FBN3: variants seen among roughly 807,000 people sequenced by gnomAD.
FBN3 encodes fibrillin 3.
A neutral mutation model predicts 330.1 loss-of-function variants in FBN3; 234 were observed. The ratio of observed to expected loss-of-function variants is 0.71; its 90% confidence interval spans 0.64 to 0.79. The LOEUF (loss-of-function observed/expected upper bound fraction) is 0.79. Among genes scored for constraint, FBN3 ranks in the 30% least tolerant of loss-of-function variants. The pLI is 0.00. For missense variants in FBN3, 3,606 were observed against 3,886.9 expected (o/e 0.93, Z 1.92); for synonymous variants, 1,458 against 1,517.3 (o/e 0.96, Z 0.91).
In FBN3 at chr19:8,085,417, A is replaced by G. The variant is rs1424899644; in HGVS notation, c.7033T>C (p.Ser2345Pro). ...RCELCPLPGT[S>P]AYRKLCPHGS... Reference sequence around the variant, plus strand: ...TGGGGGCACAGCTTCCTGTAGGCAGAGGTGCCGGGCAGGGGACAGAGCTCG... The same window carrying G: ...TGGGGGCACAGCTTCCTGTAGGCAGGGGTGCCGGGCAGGGGACAGAGCTCG... The change falls in exon 56 of 64, where the codon TCT becomes CCT. Residue 2345 changes from serine (S) to proline (P), a missense_variant. Physicochemically the swap from Ser to Pro is moderately conservative, Grantham distance 74. Transcript: ENST00000600128. 6 of 1,577,720 alleles carry G rather than the reference A, an allele frequency of 3.8e-6. No individual in the cohort carries two copies. The highest frequency in any genetic ancestry group is 5.2e-6 in the Non-Finnish European group (6 of 1,164,248).
intron 16 of FBN3, among the ~76,000 whole-genome samples, chr19:8,130,548 AAG>A (rs148416096): frequency 0.074 from 5,021 of 68,312 alleles, 475 homozygotes; most frequent in East Asian, 0.32. Context: ...AAGAGAAAGA[AAG>A]AGAGAGAGAG....
At position 8,088,164 on chromosome 19, in the gene FBN3, G is replaced by A; in HGVS notation, c.6392C>T (p.Ser2131Phe). 6.2e-7 allele frequency: 1 copy of A among 1,604,538 alleles called. No homozygotes were observed. The highest frequency in any genetic ancestry group is 8.5e-7 in the Non-Finnish European group (1 of 1,173,978). ...GINCVDTDECSVGHPCGQGTC... is the reference protein window; with the variant it reads ...GINCVDTDECFVGHPCGQGTC... ...CCCTTGCCCACAGGGGTGGCCGACA[G>A]AGCACTCGTCTGTGTCTGGGTGGGA... Residue 2131 changes from serine to phenylalanine, a missense_variant, in exon 52 of 64, where the codon TCT becomes TTT. By Grantham distance (155) the Ser-to-Phe change is radical (BLOSUM62 -2). Transcript: ENST00000600128.
intron 25 of FBN3, among the ~76,000 whole-genome samples, chr19:8,120,992 C>G (rs1276543318): frequency 6.6e-6 from 1 of 152,152 alleles, no homozygotes; most frequent in Non-Finnish European, 1.5e-5. Flanking sequence ...TCTGAGGGTC[C>G]CTGTCCTCTA....
In FBN3 at chr19:8,133,096, C is replaced by G; in HGVS notation, c.1602G>C (p.Glu534Asp). The change falls in exon 14 of 64, where the codon GAG becomes GAC. Residue 534 changes from glutamate (E) to aspartate (D), a missense_variant. Physicochemically the swap from Glu to Asp is conservative, Grantham distance 45. Coordinates refer to ENST00000600128, the MANE Select transcript of FBN3 (RefSeq NM_032447.5). ...PDGKNCVDHN[E>D]CATSTMCVNG... ...TGACGCACATGGTGCTGGTGGCACA[C>G]TCGTTGTGGTCTGGGGACAACAGCA... 1 of 1,576,688 alleles carries G rather than the reference C, an allele frequency of 6.3e-7. No individual in the cohort carries two copies. The highest frequency in any genetic ancestry group is 8.6e-7 in the Non-Finnish European group (1 of 1,162,280).
At chr19:8,146,966 A>T in intron 3 of FBN3, 138 bp downstream of exon 3, 2 of 740,688 alleles carry the variant, frequency 2.7e-6, no homozygotes, top group South Asian at 1.7e-5. Flanking sequence ...CTGAGGACAG[A>T]CGCAGATGCA....
In FBN3 at chr19:8,141,982, G is replaced by C. The variant is rs150892478; in HGVS notation, c.697C>G (p.Arg233Gly). 514 of 1,614,146 alleles carry C rather than the reference G, an allele frequency of 3.2e-4. No individual in the cohort carries two copies. The highest frequency in any genetic ancestry group is 1.4e-3 in the African/African-American group (105 of 75,024). Residue 233 changes from arginine to glycine, a missense_variant, in exon 7 of 64, where the codon CGC (arginine) becomes GGC (glycine). By Grantham distance (125) the Arg-to-Gly change is moderately radical (BLOSUM62 -2). Coordinates refer to ENST00000600128, the MANE Select transcript of FBN3 (RefSeq NM_032447.5). Reference sequence around the variant, plus strand: ...TGGATATTGGGGATGAAGCCGCGGCGGCAGGGGTGTGGCTGTGCAGGGCAA... The same window carrying C: ...TGGATATTGGGGATGAAGCCGCGGCCGCAGGGGTGTGGCTGTGCAGGGCAA... ...ELCPAQPHPC[R>G]RGFIPNIHTG...
rs12460643 is a variant in FBN3, at chr19:8,087,841, A to G, written c.6603T>C (p.Asp2201=). ...TCPAGYTLRE[D]GAMCRDVDEC... is the part of the protein sequence containing the mutation. ...CAGGCCTACCTCGACACATGGCCCCATCCTCCCGCAGGGTGTAGCCGGCTG... is the reference window on the plus strand; with the variant it reads ...CAGGCCTACCTCGACACATGGCCCCGTCCTCCCGCAGGGTGTAGCCGGCTG... The change falls in exon 53 of 64, where the codon GAT becomes GAC. Residue 2201 remains aspartate, a synonymous_variant. Transcript: ENST00000600128. 0.71 allele frequency: 1,145,709 copies of G among 1,613,476 alleles called. 411,406 individuals carry two copies. The highest frequency in any genetic ancestry group is 0.9 in the African/African-American group (67,837 of 74,988).
intron 25 of FBN3, among the ~76,000 whole-genome samples, chr19:8,120,225 A>C (rs1183062588): frequency 1.4e-5 from 2 of 142,552 alleles, no homozygotes; most frequent in Non-Finnish European, 3.0e-5. Context: ...GCTGGAGTGC[A>C]GTGGCGCGAT....
In FBN3 at chr19:8,132,989, C is replaced by T. The variant is rs866898563; in HGVS notation, c.1709G>A (p.Cys570Tyr). The stretch of plus-strand genomic sequence containing the variant: ...CAGTCTGGCTCCAGGCTCACCCATG[C>T]AGTAGTGGCCGCCAGGCGCCAGCAG... ...GFLLAPGGHY[C>Y]MDIDECQTPG... The change falls in exon 14 of 64, where the codon TGC becomes TAC. Residue 570 changes from cysteine (C) to tyrosine (Y), a missense_variant. Cys to Tyr is a radical substitution (Grantham distance 194). Coordinates refer to ENST00000600128, the MANE Select transcript of FBN3 (RefSeq NM_032447.5). 4.5e-6 allele frequency: 7 copies of T among 1,558,142 alleles called. No homozygotes were observed. The highest frequency in any genetic ancestry group is 2.4e-5 in the South Asian group (2 of 84,916).
chr19:8,132,986 A>G lies in FBN3; in HGVS notation c.1712T>C (p.Met571Thr), dbSNP rs753312611. ...GGCCAGTCTGGCTCCAGGCTCACCC[A>G]TGCAGTAGTGGCCGCCAGGCGCCAG... ...FLLAPGGHYC[M>T]DIDECQTPGI... is the part of the protein sequence containing the mutation. The change falls in exon 14 of 64, where the codon ATG (methionine) becomes ACG (threonine). Residue 571 changes from methionine to threonine, a missense_variant and splice_region_variant. Coordinates refer to ENST00000600128, the MANE Select transcript of FBN3 (RefSeq NM_032447.5). 6.4e-7 allele frequency: 1 copy of G among 1,556,550 alleles called. No homozygotes were observed. Among genetic ancestry groups the G allele is most frequent in the Non-Finnish European group, 8.7e-7 (1 of 1,154,574 alleles).
intron 6 of FBN3, among the ~76,000 whole-genome samples, chr19:8,144,013 C>T (rs2083478114): frequency 6.6e-6 from 1 of 151,772 alleles, no homozygotes; most frequent in Non-Finnish European, 1.5e-5. Flanking sequence ...TCTCACTATG[C>T]TACCCAGGTT....
chr19:8,069,518 C>A (rs965771084), intron 63 of FBN3, among the ~76,000 whole-genome samples: 1 of 152,158 alleles, frequency 6.6e-6, no homozygotes, highest in African/African-American at 2.4e-5. Flanking sequence ...CTTCTTCCCA[C>A]GGAATGTTGT....
chr19:8,071,773 G>T (rs968366662), intron 63 of FBN3, among the ~76,000 whole-genome samples: 1 of 152,116 alleles, frequency 6.6e-6, no homozygotes, highest in Non-Finnish European at 1.5e-5. Flanking sequence ...ATCACAGCCC[G>T]GCCAGGGTCT....
intron 63 of FBN3, among the ~76,000 whole-genome samples, chr19:8,068,772 G>A (rs796840775): frequency 5.3e-5 from 8 of 152,136 alleles, no homozygotes; most frequent in African/African-American, 1.9e-4. Flanking sequence ...TGCTTCCCTT[G>A]GCATCTCAAG....
Position 8,073,431 on chromosome 19 carries a change from C to A in FBN3, c.7703-134G>T. 5 of 719,618 alleles carry A rather than the reference C, an allele frequency of 6.9e-6. No homozygotes were observed. The South Asian group carries it at 9.3e-5, about 13-fold the overall frequency. The allele number at this position is 719,618 out of a possible 1,614,324, so 44.6% of individuals were successfully genotyped here. On this transcript the variant is annotated intron_variant, in intron 61 of 63. Coordinates refer to ENST00000600128, the MANE Select transcript of FBN3 (RefSeq NM_032447.5). ...AATGCCAAACTCTTCAGCAAGCTGGCAGTGAGCCCTGAGACTAGATCGGCC... is the reference window on the plus strand; with the variant it reads ...AATGCCAAACTCTTCAGCAAGCTGGAAGTGAGCCCTGAGACTAGATCGGCC...
At position 8,110,966 on chromosome 19, in the gene FBN3, A is replaced by G. The variant is rs1210991360; in HGVS notation, c.4212T>C (p.Asp1404=). ...DPTEDHRACQ[D]VDECAQGNLC... is the part of the protein sequence containing the mutation. Reference sequence around the variant, plus strand: ...GGTTCCCTTGCGCACACTCGTCCACATCTGCGGGGACCCTGGGTCAGCCTG... The same window carrying G: ...GGTTCCCTTGCGCACACTCGTCCACGTCTGCGGGGACCCTGGGTCAGCCTG... Residue 1404 remains aspartate, a splice_region_variant and synonymous_variant, in exon 34 of 64, where the codon GAT becomes GAC. Coordinates refer to ENST00000600128, the MANE Select transcript of FBN3 (RefSeq NM_032447.5). 1 of 1,614,164 alleles carries G rather than the reference A, an allele frequency of 6.2e-7. No homozygotes were observed. Among genetic ancestry groups the G allele is most frequent in the African/African-American group, 1.3e-5 (1 of 75,048 alleles).
At chr19:8,081,541 A>G in intron 57 of FBN3, 61 bp from the exon 58 acceptor site, 2 of 1,506,334 alleles carry the variant, frequency 1.3e-6, no homozygotes, top group Non-Finnish European at 1.8e-6. Flanking sequence ...GGGGGTGTTC[A>G]GGGACTGAGG....
At chr19:8,069,319 A>G (rs1001192204) in intron 63 of FBN3, among the ~76,000 whole-genome samples, 2 of 152,168 alleles carry the variant, frequency 1.3e-5, no homozygotes, top group Non-Finnish European at 2.9e-5. Flanking sequence ...GCGAGCCTCA[A>G]TGGCAGGCTA....
Position 8,066,212 on chromosome 19 carries a change from T to A in FBN3, c.8137A>T (p.Asn2713Tyr). ...TCGGCCCGGCCCAGGTGTGAGAGGT[T>A]CAGGCCCAAGGTCAGCAGGGCCTCG... is the stretch of plus-strand genomic sequence containing the variant. ...DSEALLTLGL[N>Y]LSHLGRAERI... The change falls in exon 64 of 64, where the codon AAC becomes TAC. Residue 2713 changes from asparagine (N) to tyrosine (Y), a missense_variant. By Grantham distance (143) the Asn-to-Tyr change is moderately radical (BLOSUM62 -2). Transcript: ENST00000600128. 1.2e-6 allele frequency: 2 copies of A among 1,601,662 alleles called. No individual in the cohort carries two copies. The highest frequency in any genetic ancestry group is 1.7e-6 in the Non-Finnish European group (2 of 1,172,076).
Sources: gnomAD v4.1 joint callset for allele counts (sites outside exome capture counted in the v4.1 genomes callset) on GRCh38, gnomAD v4.1.1 for gene constraint, MANE v1.5 for transcripts, NCBI Gene and HGNC (gene_info 2026-07-23, HGNC 2026-07-21) for gene names.